The following KLF5 variants were observed in gnomAD, a reference collection of about 807,000 sequenced individuals.
The protein encoded by KLF5 is KLF transcription factor 5.
A neutral mutation model predicts 36.9 loss-of-function variants in KLF5; 9 were observed. That is an observed-to-expected ratio of 0.24 (90% CI 0.15 to 0.43). The LOEUF is 0.43. KLF5 is among the 20% of genes least tolerant of loss of function. The pLI, the probability that KLF5 is intolerant of heterozygous loss-of-function variation, is 1.00. For missense variants in KLF5, 524 were observed against 599.5 expected, an observed-to-expected ratio of 0.87 and a Z score of 1.31; for synonymous variants, 246 against 241.7, an observed-to-expected ratio of 1.02 and a Z score of -0.17.
At chr13:73,068,440 C>G (rs949775910) in intron 3 of KLF5, among the ~76,000 whole-genome samples, 1 of 152,122 alleles carries the variant, frequency 6.6e-6, no homozygotes, top group African/African-American at 2.4e-5. Context: ...CACAGTGGCC[C>G]ACACCTGTAA....
chr13:73,055,895 T>A (rs139132697), upstream of KLF5, among the ~76,000 whole-genome samples: 67 of 152,314 alleles, frequency 4.4e-4, no homozygotes, highest in East Asian at 0.012. Flanking sequence ...TTGGCTGTGA[T>A]ACTCTATACC....
rs1268043710 is a variant in KLF5 at position 73,059,013 on chromosome 13, G to A, written c.-315G>A. On this transcript the variant is annotated 5_prime_UTR_variant, in exon 1 of 4. Coordinates refer to ENST00000377687, the MANE Select transcript of KLF5 (RefSeq NM_001730.5). ...GGGCGTCAAGTGTCAGTAGTCGCGG[G>A]GCAGGTACGTGCGCTCGCGGTTCTC... is the stretch of plus-strand genomic sequence containing the variant. 3 of 246,532 alleles carry A rather than the reference G, an allele frequency of 1.2e-5. No homozygotes were observed. Among genetic ancestry groups the A allele is most frequent in the Middle Eastern group, 1.2e-3 (1 of 838 alleles). The allele number at this position is 246,532 out of a possible 1,614,324, so 15.3% of individuals were successfully genotyped here.
intron 3 of KLF5, among the ~76,000 whole-genome samples, chr13:73,064,442 G>GT (rs1368568341): frequency 1.3e-5 from 2 of 152,130 alleles, no homozygotes; most frequent in Non-Finnish European, 2.9e-5. Context: ...CCTAAACTTG[G>GT]TATGTGTGAG....
At chr13:73,066,097 TAAA>T (rs2044677774) in intron 3 of KLF5, among the ~76,000 whole-genome samples, 1 of 152,236 alleles carries the variant, frequency 6.6e-6, no homozygotes, top group Non-Finnish European at 1.5e-5. Context: ...TCCAGTTTAA[TAAA>T]GTTTTGTTTG....
chr13:73,066,644 T>A (rs996277026), intron 3 of KLF5, among the ~76,000 whole-genome samples: 2 of 152,206 alleles, frequency 1.3e-5, no homozygotes, highest in African/African-American at 2.4e-5. Context: ...TTTAATTACT[T>A]CTTCTGGATT....
chr13:73,063,064 A>G (rs551316682), intron 2 of KLF5, among the ~76,000 whole-genome samples: 1 of 152,144 alleles, frequency 6.6e-6, no homozygotes, highest in African/African-American at 2.4e-5. Flanking sequence ...AATACATATT[A>G]TTTCGAGTTA....
chr13:73,062,810 CGTGTGT>C (rs2044649368), intron 2 of KLF5, 76 bp downstream of exon 2: 8 of 1,293,314 alleles, frequency 6.2e-6, no homozygotes, highest in South Asian at 1.3e-5. Flanking sequence ...CGCGCGTGTG[CGTGTGT>C]GCACGCGCGT....
In KLF5 at chr13:73,059,550, G is replaced by A; in HGVS notation, c.223G>A (p.Ala75Thr). ...GGCCCCGCAGCCGGCCCAGCCGCCC[G>A]CCACCGGCCCGCGGCTGCCTCCAGA... ...AQAPQPAQPP[A>T]TGPRLPPEDL... is the part of the protein sequence containing the mutation. The change falls in exon 1 of 4, where the codon GCC becomes ACC. Residue 75 changes from alanine (A) to threonine (T), a missense_variant. Physicochemically the swap from Ala to Thr is moderately conservative, Grantham distance 58. Transcript: ENST00000377687. 1 of 1,172,570 alleles carries A rather than the reference G, an allele frequency of 8.5e-7. No individual in the cohort carries two copies. Among genetic ancestry groups the A allele is most frequent in the East Asian group, 4.1e-5 (1 of 24,172 alleles). 72.6% of individuals were successfully genotyped at this position (1,172,570 alleles called of 1,614,324 possible).
intron 1 of KLF5, among the ~76,000 whole-genome samples, chr13:73,060,390 C>G (rs41286072): frequency 6.6e-6 from 1 of 152,138 alleles, no homozygotes; most frequent in South Asian, 2.1e-4. Context: ...TACCCACATG[C>G]AAACAGCTGG....
In KLF5 at chr13:73,075,989, C is replaced by A; in HGVS notation, c.*103C>A. 2.1e-6 allele frequency: 2 copies of A among 963,362 alleles called. No homozygotes were observed. The highest frequency in any genetic ancestry group is 2.4e-5 in the South Asian group (1 of 42,386). 59.7% of individuals were successfully genotyped at this position (963,362 alleles called of 1,614,324 possible). On this transcript the variant is annotated 3_prime_UTR_variant, in exon 4 of 4. Transcript: ENST00000377687. ...CAAAAACAAACAAAAGCAAGAAAAC[C>A]ACAACTAAAACTGGAAATGTATATT...
At position 73,077,056 on chromosome 13, in the gene KLF5, CAT is replaced by C. The variant is rs1172533401; in HGVS notation, c.*1175_*1176del. The stretch of plus-strand genomic sequence containing the variant: ...TGAAAACTTAAGGAAGCAAATGCTA[CAT>C]ATATGCAATATAAAATAGTAATGTG... On this transcript the variant is annotated 3_prime_UTR_variant, in exon 4 of 4. Transcript: ENST00000377687. 1.0e-4 allele frequency: 16 copies of C among 152,592 alleles called. 1 individual carries two copies. The highest frequency in any genetic ancestry group is 3.9e-4 in the African/African-American group (16 of 41,488). 9.5% of individuals were successfully genotyped at this position (152,592 alleles called of 1,614,324 possible).
At position 73,059,127 on chromosome 13, in the gene KLF5, G is replaced by A; in HGVS notation, c.-201G>A. On this transcript the variant is annotated 5_prime_UTR_variant, in exon 1 of 4. Coordinates refer to ENST00000377687, the MANE Select transcript of KLF5 (RefSeq NM_001730.5). ...GGGAGAAAGTGGCCGCCCGGAGGAC[G>A]TTGGCGTTTACGTGTGGAAGAGCGG... 1 of 427,386 alleles carries A rather than the reference G, an allele frequency of 2.3e-6. No individual in the cohort carries two copies. The highest frequency in any genetic ancestry group is 3.9e-6 in the Non-Finnish European group (1 of 254,386). The allele number at this position is 427,386 out of a possible 1,614,324, so 26.5% of individuals were successfully genotyped here. A position where few individuals can be genotyped will look rare whatever the true frequency, so the allele number is the denominator to read the frequency against.
intron 2 of KLF5, among the ~76,000 whole-genome samples, chr13:73,063,603 CTG>C (rs749451365): frequency 3.7e-4 from 56 of 152,156 alleles, no homozygotes; most frequent in Non-Finnish European, 6.3e-4. Flanking sequence ...GCTTGATTAT[CTG>C]TATTCTTTCC....
At chr13:73,072,118 C>A (rs1219543560) in intron 3 of KLF5, among the ~76,000 whole-genome samples, 1 of 152,100 alleles carries the variant, frequency 6.6e-6, no homozygotes, top group Non-Finnish European at 1.5e-5. Context: ...TTAGAAGAAT[C>A]TATGTAGAAC....
chr13:73,065,470 G>A (rs905441789), intron 3 of KLF5, among the ~76,000 whole-genome samples: 93 of 152,290 alleles, frequency 6.1e-4, no homozygotes, highest in Non-Finnish European at 9.9e-4. Flanking sequence ...TCTATGAAAT[G>A]AGCGGGCTGT....
chr13:73,061,150 G>A (rs1040145624), intron 1 of KLF5, among the ~76,000 whole-genome samples: 1 of 152,188 alleles, frequency 6.6e-6, no homozygotes, highest in Non-Finnish European at 1.5e-5. Context: ...TTTAGATAGG[G>A]ATATGAATAG....
chr13:73,069,893 G>A lies in KLF5; in HGVS notation c.1196-5815G>A, dbSNP rs549079386. Among the ~76,000 whole-genome samples, 16 of 152,304 alleles carry A rather than the reference G, an allele frequency of 1.1e-4. 2 individuals carry two copies. The South Asian group carries it at 3.3e-3, about 32-fold the overall frequency. The stretch of plus-strand genomic sequence containing the variant: ...GCTGGAGTGGAGATAGAAATAATTA[G>A]TCTTGAAAGTAGAGAGTAATGTTTT... On this transcript the variant is annotated intron_variant, in intron 3 of 3. Coordinates refer to ENST00000377687, the MANE Select transcript of KLF5 (RefSeq NM_001730.5).
At chr13:73,069,977 G>A (rs933339503) in intron 3 of KLF5, among the ~76,000 whole-genome samples, 6 of 152,176 alleles carry the variant, frequency 3.9e-5, no homozygotes, top group African/African-American at 7.2e-5. Flanking sequence ...TCTATAGAAT[G>A]TAGTAGCTGT....
Position 73,067,714 on chromosome 13 carries a change from C to T in KLF5, c.1195+3831C>T, listed in dbSNP as rs545904150. ...AGACCCAGACTCCATGCATTGGACT[C>T]TGTGTGTACTAAGTGATCCCAGAGT... On this transcript the variant is annotated intron_variant, in intron 3 of 3. Transcript: ENST00000377687. 3.9e-5 allele frequency among the ~76,000 whole-genome samples: 6 copies of T among 152,244 alleles called. No individual in the cohort carries two copies. In the South Asian group the frequency reaches 1.2e-3, roughly 32 times the overall value.
Sources: allele counts gnomAD v4.1 joint callset (sites outside exome capture counted in the v4.1 genomes callset), GRCh38; gene constraint gnomAD v4.1.1; transcripts MANE v1.5; gene names NCBI Gene and HGNC (gene_info 2026-07-23, HGNC 2026-07-21).